CDKAL1: variants seen among roughly 807,000 people sequenced by gnomAD.
CDKAL1 encodes the protein CDKAL1 threonylcarbamoyladenosine tRNA methylthiotransferase.
A neutral mutation model predicts 68.2 loss-of-function variants in CDKAL1; 32 were observed. The observed-to-expected ratio is 0.47, with a 90% CI of 0.35 to 0.63. CDKAL1 has a LOEUF of 0.63. CDKAL1 is among the 30% of genes least tolerant of loss of function. The pLI is 0.00. For missense variants in CDKAL1, 606 were observed against 696.7 expected (o/e 0.87, Z 1.47); for synonymous variants, 234 against 244.3 (o/e 0.96, Z 0.39).
intron 5 of CDKAL1, among the ~76,000 whole-genome samples, chr6:20,702,440 A>G (rs1581410715): frequency 6.6e-6 from 1 of 152,192 alleles, no homozygotes; most frequent in East Asian, 1.9e-4. Flanking sequence ...GAAGAATCAG[A>G]TCACACCTGG....
At chr6:21,167,541 GGTCA>G (rs1777202235) in intron 13 of CDKAL1, among the ~76,000 whole-genome samples, 1 of 152,094 alleles carries the variant, frequency 6.6e-6, no homozygotes, top group African/African-American at 2.4e-5. Flanking sequence ...GACCTACTGT[GGTCA>G]AGAATACACA....
chr6:20,961,450 G>C (rs539677003), intron 10 of CDKAL1, among the ~76,000 whole-genome samples: 1 of 152,152 alleles, frequency 6.6e-6, no homozygotes, highest in Non-Finnish European at 1.5e-5. Context: ...AGGGAGATCA[G>C]GGGGAGGTGG....
chr6:21,217,325 G>T (rs1393845993), intron 15 of CDKAL1, among the ~76,000 whole-genome samples: 2 of 145,726 alleles, frequency 1.4e-5, no homozygotes. Flanking sequence ...TCAGGGTCTT[G>T]CACTGTTGCC....
chr6:20,598,659 T>C (rs1014062187), intron 4 of CDKAL1, among the ~76,000 whole-genome samples: 7 of 152,232 alleles, frequency 4.6e-5, no homozygotes, highest in African/African-American at 1.7e-4. Flanking sequence ...TTCAAGTAGC[T>C]AATTTTATCA....
chr6:21,228,072 T>C (rs1348490595), intron 15 of CDKAL1, among the ~76,000 whole-genome samples: 1 of 152,066 alleles, frequency 6.6e-6, no homozygotes, highest in Non-Finnish European at 1.5e-5. Flanking sequence ...ATGGCACAGG[T>C]TCAGAACCAA....
chr6:20,745,466 G>A (rs564809561), intron 6 of CDKAL1, among the ~76,000 whole-genome samples: 18 of 151,934 alleles, frequency 1.2e-4, no homozygotes, highest in African/African-American at 2.7e-4. Context: ...TTTAACTTCC[G>A]TTGTCTAAAA....
At chr6:21,006,752 G>A (rs1318920243) in intron 11 of CDKAL1, among the ~76,000 whole-genome samples, 2 of 152,132 alleles carry the variant, frequency 1.3e-5, no homozygotes, top group African/African-American at 4.8e-5. Flanking sequence ...CCCCAAATTC[G>A]ATTCACTGGT....
At chr6:21,126,522 C>T (rs1775023526) in intron 13 of CDKAL1, among the ~76,000 whole-genome samples, 1 of 152,200 alleles carries the variant, frequency 6.6e-6, no homozygotes, top group Admixed American at 6.5e-5. Flanking sequence ...CATCTGCAGT[C>T]AGCTCATTTT....
intron 8 of CDKAL1, among the ~76,000 whole-genome samples, chr6:20,816,088 A>G (rs991473407): frequency 6.6e-6 from 1 of 151,000 alleles, no homozygotes; most frequent in Non-Finnish European, 1.5e-5. Flanking sequence ...CTCTGTGTCC[A>G]TACTGATATC....
At chr6:20,644,707 TCTC>T (rs1768355825) in intron 4 of CDKAL1, among the ~76,000 whole-genome samples, 2 of 151,940 alleles carry the variant, frequency 1.3e-5, no homozygotes, top group South Asian at 4.2e-4. Flanking sequence ...AAAAAAAGAA[TCTC>T]CTATGTTCAG....
At chr6:20,912,916 T>C (rs1406886624) in intron 9 of CDKAL1, among the ~76,000 whole-genome samples, 1 of 151,978 alleles carries the variant, frequency 6.6e-6, no homozygotes, top group African/African-American at 2.4e-5. Flanking sequence ...AGCTATCCAA[T>C]ATGTACATAT....
At chr6:20,771,498 T>C (rs923076214) in intron 7 of CDKAL1, among the ~76,000 whole-genome samples, 1 of 152,214 alleles carries the variant, frequency 6.6e-6, no homozygotes, top group Non-Finnish European at 1.5e-5. Context: ...GCTTCCCATC[T>C]CTTCTGTCAC....
At chr6:20,690,673 ATT>A (rs1770832754) in intron 5 of CDKAL1, among the ~76,000 whole-genome samples, 1 of 152,058 alleles carries the variant, frequency 6.6e-6, no homozygotes, top group Non-Finnish European at 1.5e-5. Flanking sequence ...TACTATTTAT[ATT>A]GTCTTTATTA....
intron 4 of CDKAL1, among the ~76,000 whole-genome samples, chr6:20,549,347 G>A (rs768399739): frequency 1.3e-5 from 2 of 152,082 alleles, no homozygotes; most frequent in Non-Finnish European, 2.9e-5. Context: ...TTCTCAGTGC[G>A]TCATATCGGG....
intron 10 of CDKAL1, among the ~76,000 whole-genome samples, chr6:20,980,382 CG>C (rs1328417619): frequency 1.3e-5 from 2 of 151,986 alleles, no homozygotes; most frequent in African/African-American, 4.8e-5. Flanking sequence ...AGACTACAGG[CG>C]CCCGCCACCA....
intron 13 of CDKAL1, among the ~76,000 whole-genome samples, chr6:21,127,539 C>T (rs907628472): frequency 1.3e-5 from 2 of 152,112 alleles, no homozygotes; most frequent in African/African-American, 4.8e-5. Context: ...CATTTGAGGT[C>T]AAGAGTTCAA....
chr6:20,626,499 A>G (rs115717671), intron 4 of CDKAL1, among the ~76,000 whole-genome samples: 2 of 152,166 alleles, frequency 1.3e-5, no homozygotes, highest in Non-Finnish European at 2.9e-5. Flanking sequence ...GGCTCCAGAA[A>G]TGTTAGTTAT....
At chr6:20,966,759 G>A (rs1464888518) in intron 10 of CDKAL1, among the ~76,000 whole-genome samples, 1 of 152,160 alleles carries the variant, frequency 6.6e-6, no homozygotes, top group Admixed American at 6.5e-5. Context: ...AGCATACTCT[G>A]TATCAGCTTT....
At chr6:20,934,940 G>C (rs1157136252) in intron 9 of CDKAL1, among the ~76,000 whole-genome samples, 3 of 141,760 alleles carry the variant, frequency 2.1e-5, no homozygotes, top group South Asian at 2.2e-4. Flanking sequence ...CTGTCACCCA[G>C]GCCGGAGTTC....
Sources: gnomAD v4.1 joint callset for allele counts (sites outside exome capture counted in the v4.1 genomes callset) on GRCh38, gnomAD v4.1.1 for gene constraint, MANE v1.5 for transcripts, NCBI Gene and HGNC (gene_info 2026-07-23, HGNC 2026-07-21) for gene names.